MECOM: variants seen among roughly 807,000 people sequenced by gnomAD.
MECOM encodes MDS1 and EVI1 complex locus, also known as histone-lysine N-methyltransferase MECOM.
In MECOM, 13 loss-of-function variants were observed where a neutral mutation model predicts 116.3. The observed-to-expected ratio is 0.11, with a 90% CI of 0.07 to 0.18. The LOEUF (loss-of-function observed/expected upper bound fraction) is 0.18, where lower values mean the gene tolerates loss of function less well. Ranked by LOEUF, MECOM falls within the 10% of genes least tolerant of loss-of-function variation. MECOM has a pLI of 1.00. For missense variants in MECOM, 1,299 were observed against 1,509.0 expected (o/e 0.86, Z 2.31); for synonymous variants, 528 against 535.2 (o/e 0.99, Z 0.19).
intron 2 of MECOM, among the ~76,000 whole-genome samples, chr3:169,193,210 A>G (rs1747948508): frequency 6.6e-6 from 1 of 152,084 alleles, no homozygotes; most frequent in African/African-American, 2.4e-5. Context: ...TAAATACTGA[A>G]TGGACAAAGA....
intron 2 of MECOM, among the ~76,000 whole-genome samples, chr3:169,286,361 T>C (rs1441336516): frequency 6.6e-6 from 1 of 152,204 alleles, no homozygotes; most frequent in African/African-American, 2.4e-5. Flanking sequence ...CAAGCCCTGT[T>C]GTCTCTATCA....
chr3:169,545,243 C>T (rs1053181230), intron 1 of MECOM, among the ~76,000 whole-genome samples: 1 of 152,020 alleles, frequency 6.6e-6, no homozygotes, highest in Non-Finnish European at 1.5e-5. Flanking sequence ...GTTTGTTGAA[C>T]ATCTATTACA....
At chr3:169,122,271 G>A (rs938827896) in intron 6 of MECOM, among the ~76,000 whole-genome samples, 2 of 152,124 alleles carry the variant, frequency 1.3e-5, no homozygotes, top group Non-Finnish European at 2.9e-5. Context: ...TTCATTCTCC[G>A]CAAGGCCATA....
intron 1 of MECOM, among the ~76,000 whole-genome samples, chr3:169,493,266 T>C (rs1753341495): frequency 6.6e-6 from 1 of 152,110 alleles, no homozygotes; most frequent in Non-Finnish European, 1.5e-5. Flanking sequence ...GTTTATTTGA[T>C]CAAGTAGCAT....
chr3:169,469,122 A>G (rs1453423553), intron 1 of MECOM, among the ~76,000 whole-genome samples: 2 of 152,208 alleles, frequency 1.3e-5, no homozygotes, highest in African/African-American at 4.8e-5. Flanking sequence ...GAGCCAGATT[A>G]TAACAGAAGT....
At chr3:169,375,422 T>A (rs1730850440) in intron 2 of MECOM, among the ~76,000 whole-genome samples, 1 of 151,454 alleles carries the variant, frequency 6.6e-6, no homozygotes, top group Non-Finnish European at 1.5e-5. Context: ...ACAAAATAGA[T>A]AGACCACTAG....
intron 2 of MECOM, among the ~76,000 whole-genome samples, chr3:169,195,393 G>A (rs1011598): frequency 0.1 from 15,313 of 152,034 alleles, 899 homozygotes; most frequent in South Asian, 0.2. Context: ...AAAACCTGCC[G>A]CATAAACTGT....
intron 2 of MECOM, among the ~76,000 whole-genome samples, chr3:169,162,562 G>C (rs1351844876): frequency 6.6e-6 from 1 of 152,086 alleles, no homozygotes; most frequent in Non-Finnish European, 1.5e-5. Context: ...AATATTACTG[G>C]GAGCTTAGGC....
intron 2 of MECOM, among the ~76,000 whole-genome samples, chr3:169,352,951 G>A (rs991698349): frequency 1.3e-5 from 2 of 151,878 alleles, no homozygotes; most frequent in African/African-American, 4.8e-5. Context: ...CTGAATGAGG[G>A]TTAGAGCTTT....
intron 1 of MECOM, among the ~76,000 whole-genome samples, chr3:169,624,793 A>G (rs1035142961): frequency 6.6e-6 from 1 of 152,106 alleles, no homozygotes; most frequent in Admixed American, 6.5e-5. Context: ...AGCCAGACAC[A>G]CTGTCTGGTG....
chr3:169,274,274 T>A (rs936275264), intron 2 of MECOM, among the ~76,000 whole-genome samples: 1 of 152,166 alleles, frequency 6.6e-6, no homozygotes, highest in African/African-American at 2.4e-5. Flanking sequence ...TGATATTCAA[T>A]AGAGGAAAGA....
chr3:169,605,273 C>CA (rs1276418707), intron 1 of MECOM, among the ~76,000 whole-genome samples: 12 of 152,182 alleles, frequency 7.9e-5, no homozygotes, highest in African/African-American at 2.9e-4. Flanking sequence ...CTCTGAAAAA[C>CA]AAACACTTTC....
At chr3:169,500,999 A>G (rs1305041700) in intron 1 of MECOM, among the ~76,000 whole-genome samples, 1 of 152,020 alleles carries the variant, frequency 6.6e-6, no homozygotes, top group Non-Finnish European at 1.5e-5. Flanking sequence ...CAATTTGATC[A>G]TTGTCTAGAT....
rs143837308 is a variant in MECOM at position 169,197,760 on chromosome 3, T to C, written c.376-53928A>G. ...GTGAAGTGATGAACTCAATAAAGAA[T>C]AAGGGTTAAAGATTTCTGAAAATGA... On this transcript the variant is annotated intron_variant, in intron 2 of 16. Coordinates refer to ENST00000651503, the MANE Select transcript of MECOM (RefSeq NM_004991.4). Among the ~76,000 whole-genome samples the C allele has an allele frequency of 2.3e-3, 355 of 152,096 alleles. 3 individuals are homozygous for C. Among genetic ancestry groups the C allele is most frequent in the African/African-American group, 8.4e-3 (348 of 41,534 alleles).
intron 1 of MECOM, among the ~76,000 whole-genome samples, chr3:169,613,165 T>G (rs564189273): frequency 6.6e-6 from 1 of 152,292 alleles, no homozygotes; most frequent in South Asian, 2.1e-4. Flanking sequence ...CATAACAGGA[T>G]TTCAACCACA....
chr3:169,562,129 G>A (rs1762702835), intron 1 of MECOM, among the ~76,000 whole-genome samples: 1 of 49,722 alleles, frequency 2.0e-5, no homozygotes, highest in Non-Finnish European at 3.6e-5. Flanking sequence ...CTGGGTGACA[G>A]AGCAATACTC....
chr3:169,613,038 A>G (rs1051950810), intron 1 of MECOM, among the ~76,000 whole-genome samples: 12 of 152,228 alleles, frequency 7.9e-5, no homozygotes, highest in Non-Finnish European at 1.3e-4. Flanking sequence ...CCAGCAAACA[A>G]GAGATTACAT....
chr3:169,308,671 T>C (rs1718159723), intron 2 of MECOM, among the ~76,000 whole-genome samples: 1 of 152,236 alleles, frequency 6.6e-6, no homozygotes, highest in Non-Finnish European at 1.5e-5. Context: ...CACATGCTAT[T>C]ATTTTTTATC....
intron 2 of MECOM, among the ~76,000 whole-genome samples, chr3:169,144,564 T>C (rs752667356): frequency 1.3e-5 from 2 of 152,178 alleles, no homozygotes; most frequent in Non-Finnish European, 2.9e-5. Context: ...TTGTATCTTG[T>C]TATTTTTCAT....
Sources: gnomAD v4.1 joint callset for allele counts (sites outside exome capture counted in the v4.1 genomes callset) on GRCh38, gnomAD v4.1.1 for gene constraint, MANE v1.5 for transcripts, NCBI Gene and HGNC (gene_info 2026-07-23, HGNC 2026-07-21) for gene names.